The following SNX29 variants were observed in gnomAD, a reference collection of about 807,000 sequenced individuals.
The protein encoded by SNX29 is sorting nexin 29, also known as sorting nexin-29.
In SNX29, 78 loss-of-function variants were observed where a neutral mutation model predicts 102.1. That is an observed-to-expected ratio of 0.76 (90% confidence interval 0.64 to 0.92). SNX29 has a LOEUF of 0.92. SNX29 is among the 40% of genes least tolerant of loss of function. The pLI is 0.00. For synonymous variants in SNX29, 580 were observed against 414.5 expected (o/e 1.40, Z -4.85); for missense variants, 1,280 against 1,061.7 (o/e 1.21, Z -2.86).
At chr16:11,977,828 A>G (rs1239908455) in intron 1 of SNX29, 2 of 152,140 alleles carry the variant, frequency 1.3e-5, no homozygotes, top group African/African-American at 4.8e-5. Context: ...GACTCAGGGA[A>G]GCCTCTCAGC....
At chr16:12,289,379 ATTGTGCCTCTGTGCAGGCATGC>A (rs1371845724) in intron 15 of SNX29, among the ~76,000 whole-genome samples, 1 of 152,120 alleles carries the variant, frequency 6.6e-6, no homozygotes, top group Non-Finnish European at 1.5e-5. Flanking sequence ...GCAGGTCACA[ATTGTGCCTCTGTGCAGGCATGC>A]TTGCGCCCCT....
At chr16:12,243,799 A>G (rs946721425) in intron 14 of SNX29, among the ~76,000 whole-genome samples, 1 of 152,190 alleles carries the variant, frequency 6.6e-6, no homozygotes, top group South Asian at 2.1e-4. Context: ...GCTCAGACAG[A>G]AGCACCTCCT....
chr16:12,485,335 CAG>C (rs1459234288), intron 19 of SNX29, among the ~76,000 whole-genome samples: 1 of 152,156 alleles, frequency 6.6e-6, no homozygotes, highest in Non-Finnish European at 1.5e-5. Flanking sequence ...CATTATGGCT[CAG>C]GGAGCGAATG....
At chr16:12,560,043 A>G (rs1057309842) in intron 20 of SNX29, among the ~76,000 whole-genome samples, 1 of 152,062 alleles carries the variant, frequency 6.6e-6, no homozygotes, top group African/African-American at 2.4e-5. Context: ...AAATACACAA[A>G]GAAAAATGAC....
chr16:12,278,990 G>C (rs1327897563), intron 15 of SNX29, among the ~76,000 whole-genome samples: 1 of 152,130 alleles, frequency 6.6e-6, no homozygotes, highest in Non-Finnish European at 1.5e-5. Flanking sequence ...ATATGATAAA[G>C]AGGTTTTTCA....
At chr16:12,566,680 A>G (rs1042685198) in intron 20 of SNX29, among the ~76,000 whole-genome samples, 19 of 116,550 alleles carry the variant, frequency 1.6e-4, no homozygotes, top group African/African-American at 5.9e-4. Context: ...TCAGGGATAA[A>G]GAGGCTCTTC....
At chr16:12,511,448 C>G (rs536163787) in intron 19 of SNX29, among the ~76,000 whole-genome samples, 1 of 152,170 alleles carries the variant, frequency 6.6e-6, no homozygotes, top group African/African-American at 2.4e-5. Flanking sequence ...CACTCCACAT[C>G]GTGCTTGGCA....
At chr16:12,057,236 C>T (rs182287667) in intron 8 of SNX29, among the ~76,000 whole-genome samples, 135 of 152,308 alleles carry the variant, frequency 8.9e-4, no homozygotes, top group Admixed American at 1.5e-3. Context: ...ATCTCACTAG[C>T]AGTTAAGCAA....
chr16:12,201,837 C>T (rs2076921984), intron 14 of SNX29, among the ~76,000 whole-genome samples: 2 of 152,194 alleles, frequency 1.3e-5, no homozygotes, highest in Admixed American at 1.3e-4. Context: ...ACTGGGCTTG[C>T]TTTTGATTTG....
intron 19 of SNX29, among the ~76,000 whole-genome samples, chr16:12,516,981 A>T (rs904644831): frequency 3.3e-5 from 5 of 152,338 alleles, no homozygotes; most frequent in African/African-American, 7.2e-5. Context: ...AGCTCAAAAT[A>T]AAATTAACCT....
At chr16:12,319,009 C>T (rs1455302799) in intron 15 of SNX29, among the ~76,000 whole-genome samples, 1 of 152,166 alleles carries the variant, frequency 6.6e-6, no homozygotes, top group African/African-American at 2.4e-5. Context: ...TTCAGACCCC[C>T]AGTAAACTTG....
At chr16:12,564,164 G>A (rs1177593063) in intron 20 of SNX29, among the ~76,000 whole-genome samples, 1 of 152,124 alleles carries the variant, frequency 6.6e-6, no homozygotes, top group Non-Finnish European at 1.5e-5. Context: ...TGAGGTAGAG[G>A]ATTGCTTGAG....
chr16:12,551,185 C>A (rs979458224), intron 20 of SNX29, among the ~76,000 whole-genome samples: 1 of 152,060 alleles, frequency 6.6e-6, no homozygotes, highest in African/African-American at 2.4e-5. Flanking sequence ...GCAGACTTCC[C>A]CACAGAGAGC....
At chr16:12,533,462 C>A (rs1028753867) in intron 20 of SNX29, among the ~76,000 whole-genome samples, 1 of 152,206 alleles carries the variant, frequency 6.6e-6, no homozygotes, top group Non-Finnish European at 1.5e-5. Flanking sequence ...CACCTCCCCA[C>A]CCCCATCCCC....
intron 13 of SNX29, among the ~76,000 whole-genome samples, chr16:12,159,028 T>C (rs985952162): frequency 6.6e-6 from 1 of 152,242 alleles, no homozygotes; most frequent in Non-Finnish European, 1.5e-5. Flanking sequence ...TGAGCCCTTC[T>C]GGAATTAATA....
At chr16:12,538,064 A>C (rs1358179282) in intron 20 of SNX29, among the ~76,000 whole-genome samples, 1 of 151,700 alleles carries the variant, frequency 6.6e-6, no homozygotes, top group South Asian at 2.1e-4. Flanking sequence ...GATCTTGGTG[A>C]CAGCTTTCTT....
At chr16:12,135,936 C>CG (rs957616520) in intron 13 of SNX29, among the ~76,000 whole-genome samples, 21 of 152,324 alleles carry the variant, frequency 1.4e-4, no homozygotes, top group Admixed American at 6.5e-5. Context: ...AAGTGTTCCT[C>CG]GGGGGGAGCC....
intron 18 of SNX29, among the ~76,000 whole-genome samples, chr16:12,438,499 C>T (rs893786601): frequency 6.6e-6 from 1 of 152,150 alleles, no homozygotes; most frequent in Non-Finnish European, 1.5e-5. Flanking sequence ...TTGATCTCAA[C>T]CTCTGTCCAA....
rs1237090843 is a variant in SNX29, at chr16:12,571,937, C to G, written c.*3308C>G. 2.8e-6 allele frequency: 3 copies of G among 1,061,986 alleles called. No homozygotes were observed. The African/African-American group carries it at 4.9e-5, about 17-fold the overall frequency. The allele number at this position is 1,061,986 out of a possible 1,614,324, so 65.8% of individuals were successfully genotyped here. ...TGGCAGGCCCTGGTGAAGGAAGACA[C>G]TTTCAGGGAAGAGGCTCTTACAGTC... On this transcript the variant is annotated 3_prime_UTR_variant, in exon 21 of 21. Transcript: ENST00000566228.
Sources: allele counts gnomAD v4.1 joint callset (sites outside exome capture counted in the v4.1 genomes callset), GRCh38; gene constraint gnomAD v4.1.1; transcripts MANE v1.5; gene names NCBI Gene and HGNC (gene_info 2026-07-23, HGNC 2026-07-21).